Variants in CPQ observed in about 807,000 individuals in gnomAD.
The protein encoded by CPQ is carboxypeptidase Q, also known as Ser-Met dipeptidase.
CPQ carries 37 observed loss-of-function variants against 45.7 expected under a neutral mutation model. The ratio of observed to expected loss-of-function variants is 0.81; its 90% CI spans 0.62 to 1.07. The LOEUF is 1.07. Among genes scored for constraint, CPQ ranks in the 50% least tolerant of loss-of-function variants. The pLI is 0.00. For missense variants in CPQ, 537 were observed against 572.9 expected, an observed-to-expected ratio of 0.94 and a Z score of 0.64; for synonymous variants, 186 against 205.8, an observed-to-expected ratio of 0.90 and a Z score of 0.82.
At chr8:96,844,654 A>G (rs1023472461) in intron 3 of CPQ, among the ~76,000 whole-genome samples, 1 of 152,226 alleles carries the variant, frequency 6.6e-6, no homozygotes, top group East Asian at 1.9e-4. Context: ...CTGACGTCTT[A>G]TCTTGGCCAT....
intron 4 of CPQ, among the ~76,000 whole-genome samples, chr8:96,948,666 A>G (rs1444296808): frequency 6.6e-6 from 1 of 152,086 alleles, no homozygotes. Flanking sequence ...TGTTTGATCT[A>G]TAATATTATT....
chr8:96,663,540 A>G (rs946063099), intron 1 of CPQ, among the ~76,000 whole-genome samples: 1 of 152,256 alleles, frequency 6.6e-6, no homozygotes, highest in African/African-American at 2.4e-5. Flanking sequence ...AGGTAACTAA[A>G]GAAAATATCC....
intron 1 of CPQ, among the ~76,000 whole-genome samples, chr8:96,724,931 C>A: frequency 6.6e-6 from 1 of 152,138 alleles, no homozygotes; most frequent in Non-Finnish European, 1.5e-5. Flanking sequence ...TAAAGCTGCA[C>A]AACTACAACC....
chr8:96,663,182 A>T (rs946107006), intron 1 of CPQ, among the ~76,000 whole-genome samples: 1 of 152,196 alleles, frequency 6.6e-6, no homozygotes, highest in Non-Finnish European at 1.5e-5. Flanking sequence ...GTGGAAATTT[A>T]CAAGGCTCAG....
At chr8:96,803,519 A>G (rs1309201521) in intron 2 of CPQ, among the ~76,000 whole-genome samples, 1 of 152,230 alleles carries the variant, frequency 6.6e-6, no homozygotes, top group Non-Finnish European at 1.5e-5. Flanking sequence ...TGAGAAAACC[A>G]TAATGGTATT....
intron 4 of CPQ, among the ~76,000 whole-genome samples, chr8:96,930,024 T>G (rs1563531688): frequency 1.3e-5 from 2 of 152,162 alleles, no homozygotes; most frequent in Non-Finnish European, 2.9e-5. Flanking sequence ...CTCTCTGAAC[T>G]TCTCGGTTAG....
At chr8:96,652,669 A>C (rs1036849510) in intron 1 of CPQ, among the ~76,000 whole-genome samples, 1 of 152,090 alleles carries the variant, frequency 6.6e-6, no homozygotes, top group African/African-American at 2.4e-5. Flanking sequence ...GTCTTGCTCT[A>C]TCGCCCAAGC....
chr8:96,816,688 A>G (rs1423638815), intron 2 of CPQ, among the ~76,000 whole-genome samples: 2 of 152,170 alleles, frequency 1.3e-5, no homozygotes, highest in African/African-American at 2.4e-5. Context: ...TATTTGATCC[A>G]TGGGCTTCAG....
At chr8:96,876,894 T>C (rs1038195937) in intron 3 of CPQ, among the ~76,000 whole-genome samples, 1 of 152,174 alleles carries the variant, frequency 6.6e-6, no homozygotes, top group Non-Finnish European at 1.5e-5. Context: ...TTTTCTTTTC[T>C]TGTGTTGTGA....
chr8:96,998,927 G>A (rs893455745), intron 5 of CPQ, among the ~76,000 whole-genome samples: 2 of 151,938 alleles, frequency 1.3e-5, no homozygotes, highest in African/African-American at 2.4e-5. Context: ...CTTATTAAAC[G>A]AAGAATTGGC....
chr8:96,671,017 A>G (rs1407072698), intron 1 of CPQ, among the ~76,000 whole-genome samples: 1 of 152,148 alleles, frequency 6.6e-6, no homozygotes, highest in Admixed American at 6.5e-5. Context: ...GTAGTTTTGT[A>G]GGATGCTGCA....
At chr8:97,010,030 G>T (rs1007704916) in intron 5 of CPQ, among the ~76,000 whole-genome samples, 5 of 152,198 alleles carry the variant, frequency 3.3e-5, no homozygotes, top group African/African-American at 9.7e-5. Context: ...GGGTTAGAAG[G>T]TGGGGCCATA....
At chr8:96,865,685 CGTGGG>C (rs1253309349) in intron 3 of CPQ, among the ~76,000 whole-genome samples, 1 of 151,956 alleles carries the variant, frequency 6.6e-6, no homozygotes, top group African/African-American at 2.4e-5. Flanking sequence ...AAAATAGACC[CGTGGG>C]GTTTGAGAAC....
intron 5 of CPQ, among the ~76,000 whole-genome samples, chr8:96,990,525 A>G (rs1362924297): frequency 6.6e-6 from 1 of 152,210 alleles, no homozygotes; most frequent in Admixed American, 6.5e-5. Flanking sequence ...ATGCCTAGGC[A>G]CACAGAACTC....
intron 5 of CPQ, among the ~76,000 whole-genome samples, chr8:97,017,314 G>A (rs1334474465): frequency 6.6e-6 from 1 of 152,062 alleles, no homozygotes; most frequent in African/African-American, 2.4e-5. Context: ...GGGTCCTTGA[G>A]GAGGGGTGCT....
chr8:96,926,549 T>TTCC, intron 4 of CPQ, among the ~76,000 whole-genome samples: 1 of 105,836 alleles, frequency 9.4e-6, no homozygotes, highest in African/African-American at 4.6e-5. Context: ...CTTCTTCCTC[T>TTCC]TCCTCTTCCT....
At chr8:97,090,901 C>T (rs1393096202) in intron 7 of CPQ, among the ~76,000 whole-genome samples, 1 of 152,182 alleles carries the variant, frequency 6.6e-6, no homozygotes, top group African/African-American at 2.4e-5. Flanking sequence ...TGCAACTTCA[C>T]ATCATAACAG....
At chr8:96,918,035 G>A (rs1487238797) in intron 4 of CPQ, among the ~76,000 whole-genome samples, 2 of 152,034 alleles carry the variant, frequency 1.3e-5, no homozygotes, top group African/African-American at 4.8e-5. Context: ...CTGCAGTGAC[G>A]TTGTTTCATA....
intron 5 of CPQ, among the ~76,000 whole-genome samples, chr8:96,969,129 G>A (rs919481366): frequency 7.2e-5 from 11 of 152,124 alleles, no homozygotes; most frequent in Admixed American, 5.2e-4. Context: ...TGAGTTTCCA[G>A]GTCTAAAGAA....
Sources: gnomAD v4.1 joint callset for allele counts (sites outside exome capture counted in the v4.1 genomes callset) on GRCh38, gnomAD v4.1.1 for gene constraint, MANE v1.5 for transcripts, NCBI Gene and HGNC (gene_info 2026-07-23, HGNC 2026-07-21) for gene names.